Variants in GLIS3 observed in about 807,000 individuals in gnomAD.
GLIS3 encodes the protein zinc finger protein GLIS3.
In GLIS3, 53 loss-of-function variants were observed where a neutral mutation model predicts 78.6. The observed-to-expected ratio is 0.67, with a 90% confidence interval of 0.54 to 0.85. The LOEUF is 0.85. Ranked by LOEUF, GLIS3 falls within the 40% of genes least tolerant of loss-of-function variation. GLIS3 has a pLI of 0.00. For synonymous variants in GLIS3, 684 were observed against 509.9 expected, an observed-to-expected ratio of 1.34 and a Z score of -4.60; for missense variants, 1,703 against 1,231.1, an observed-to-expected ratio of 1.38 and a Z score of -5.74.
intron 6 of GLIS3, among the ~76,000 whole-genome samples, chr9:3,917,549 T>A (rs1448003896): frequency 6.6e-6 from 1 of 152,180 alleles, no homozygotes; most frequent in African/African-American, 2.4e-5. Flanking sequence ...AATAGCAGGA[T>A]GAGCTCCAGT....
upstream of GLIS3, among the ~76,000 whole-genome samples, chr9:4,304,410 A>T (rs1209423582): frequency 1.3e-5 from 2 of 152,206 alleles, no homozygotes; most frequent in Non-Finnish European, 2.9e-5. Context: ...TTGAGGAAGA[A>T]AATTCAAAGA....
chr9:3,876,287 G>A (rs1821301492), intron 8 of GLIS3, among the ~76,000 whole-genome samples: 1 of 147,402 alleles, frequency 6.8e-6, no homozygotes, highest in Non-Finnish European at 1.5e-5. Flanking sequence ...TAAAAAGCTG[G>A]AGAACTTCAT....
intron 2 of GLIS3, among the ~76,000 whole-genome samples, chr9:4,326,094 G>A (rs1336997126): frequency 6.6e-6 from 1 of 152,112 alleles, no homozygotes; most frequent in East Asian, 1.9e-4. Flanking sequence ...AACAGCTAAT[G>A]GACGCTGGGC....
intron 4 of GLIS3, among the ~76,000 whole-genome samples, chr9:3,987,043 C>T (rs571639219): frequency 1.4e-4 from 22 of 152,032 alleles, no homozygotes; most frequent in Non-Finnish European, 3.1e-4. Flanking sequence ...TTTAAAGCAG[C>T]TGTCATAAAA....
At chr9:3,882,743 A>G (rs887581385) in intron 7 of GLIS3, among the ~76,000 whole-genome samples, 10 of 152,158 alleles carry the variant, frequency 6.6e-5, no homozygotes, top group Non-Finnish European at 1.3e-4. Context: ...GCCCCATGAG[A>G]ACAAGAAAGG....
chr9:4,370,183 C>CAAAAAAAAAAAAA, the GLIS3 span, among the ~76,000 whole-genome samples: 1 of 88,380 alleles, frequency 1.1e-5, no homozygotes. Flanking sequence ...GACTCCATCT[C>CAAAAAAAAAAAAA]AAAAAAAAAA....
chr9:4,149,673 C>G (rs1834515783), intron 2 of GLIS3, among the ~76,000 whole-genome samples: 1 of 152,146 alleles, frequency 6.6e-6, no homozygotes, highest in African/African-American at 2.4e-5. Flanking sequence ...TTACATAACC[C>G]CTTTTACTTT....
At chr9:4,128,384 C>G (rs1450305322) in intron 2 of GLIS3, among the ~76,000 whole-genome samples, 1 of 152,232 alleles carries the variant, frequency 6.6e-6, no homozygotes, top group Non-Finnish European at 1.5e-5. Flanking sequence ...TTATACTTCA[C>G]TGCTGTTTAA....
chr9:4,278,355 G>C (rs544708009), intron 2 of GLIS3, among the ~76,000 whole-genome samples: 1 of 152,136 alleles, frequency 6.6e-6, no homozygotes, highest in Non-Finnish European at 1.5e-5. Flanking sequence ...ATGATTCCAG[G>C]TATGGGGCAC....
chr9:3,891,392 G>T (rs568229707), intron 7 of GLIS3, among the ~76,000 whole-genome samples: 1 of 152,086 alleles, frequency 6.6e-6, no homozygotes, highest in South Asian at 2.1e-4. Flanking sequence ...TGTACAAAAC[G>T]TGGTCAGTAA....
intron 2 of GLIS3, among the ~76,000 whole-genome samples, chr9:4,182,044 T>C (rs1179652852): frequency 1.3e-5 from 2 of 152,226 alleles, no homozygotes; most frequent in Non-Finnish European, 2.9e-5. Context: ...TTTATGAAGA[T>C]GCAAATGCAT....
intron 2 of GLIS3, among the ~76,000 whole-genome samples, chr9:4,231,381 G>C (rs992444561): frequency 5.9e-5 from 9 of 152,054 alleles, no homozygotes; most frequent in African/African-American, 2.2e-4. Context: ...CTAAAATTAA[G>C]GTTCGGTTGA....
intron 4 of GLIS3, among the ~76,000 whole-genome samples, chr9:4,002,723 C>A (rs965788879): frequency 2.0e-5 from 3 of 152,136 alleles, no homozygotes; most frequent in Non-Finnish European, 2.9e-5. Context: ...GGCAATATAA[C>A]CCAGTTCTGG....
chr9:4,353,229 C>G (rs948679360), upstream of GLIS3, among the ~76,000 whole-genome samples: 1 of 152,196 alleles, frequency 6.6e-6, no homozygotes, highest in African/African-American at 2.4e-5. Flanking sequence ...CTTCTGTACC[C>G]TACCAGCCAG....
At chr9:4,350,439 T>A (rs2130599520), upstream of GLIS3, among the ~76,000 whole-genome samples, 1 of 152,340 alleles carries the variant, frequency 6.6e-6, no homozygotes, top group South Asian at 2.1e-4. Flanking sequence ...ACAAATGGAA[T>A]CAAGTAATAG....
intron 2 of GLIS3, among the ~76,000 whole-genome samples, chr9:4,336,165 C>G (rs1269431774): frequency 6.6e-6 from 1 of 152,254 alleles, no homozygotes; most frequent in East Asian, 1.9e-4. Context: ...CTCTAGCCCA[C>G]TGCCAACTCT....
At chr9:4,030,695 C>T (rs1034870834) in intron 4 of GLIS3, among the ~76,000 whole-genome samples, 1 of 152,140 alleles carries the variant, frequency 6.6e-6, no homozygotes, top group Non-Finnish European at 1.5e-5. Flanking sequence ...TGTTTCCCAG[C>T]GTGTTCTTGG....
intron 4 of GLIS3, among the ~76,000 whole-genome samples, chr9:3,984,996 G>C (rs1273187767): frequency 6.6e-6 from 1 of 151,840 alleles, no homozygotes; most frequent in Non-Finnish European, 1.5e-5. Context: ...CAGCCATGTG[G>C]AACTGTAAAT....
intron 2 of GLIS3, among the ~76,000 whole-genome samples, chr9:4,329,724 T>G (rs1817656393): frequency 6.6e-6 from 1 of 152,132 alleles, no homozygotes; most frequent in Non-Finnish European, 1.5e-5. Flanking sequence ...AGCATATCCG[T>G]GCCAGTAGCA....
Sources: allele counts gnomAD v4.1 joint callset (sites outside exome capture counted in the v4.1 genomes callset), GRCh38; gene constraint gnomAD v4.1.1; transcripts MANE v1.5; gene names NCBI Gene and HGNC (gene_info 2026-07-23, HGNC 2026-07-21).